CNBD1: variants seen among roughly 807,000 people sequenced by gnomAD.
The protein encoded by CNBD1 is cyclic nucleotide binding domain containing 1, also known as cyclic nucleotide-binding domain-containing protein 1.
A neutral mutation model predicts 54.4 loss-of-function variants in CNBD1; 71 were observed. That is an observed-to-expected ratio of 1.30 (90% CI 1.08 to 1.59). CNBD1 has a LOEUF of 1.59. Among genes scored for constraint, CNBD1 ranks in the 40% most tolerant of loss-of-function variants. CNBD1 has a pLI of 0.00. For missense variants in CNBD1, 659 were observed against 518.0 expected, an observed-to-expected ratio of 1.27 and a Z score of -2.64; for synonymous variants, 182 against 170.7, an observed-to-expected ratio of 1.07 and a Z score of -0.51.
At chr8:87,278,071 C>T (rs1446872500) in intron 6 of CNBD1, among the ~76,000 whole-genome samples, 2 of 151,224 alleles carry the variant, frequency 1.3e-5, no homozygotes, top group Non-Finnish European at 3.0e-5. Flanking sequence ...TAGTTATTAG[C>T]AGATTAGACA....
chr8:87,103,322 TG>T (rs2130695886), intron 4 of CNBD1, among the ~76,000 whole-genome samples: 1 of 152,330 alleles, frequency 6.6e-6, no homozygotes, highest in African/African-American at 2.4e-5. Flanking sequence ...TTTAATAAGT[TG>T]TTTTTACATC....
chr8:87,086,451 C>G (rs1407864297), intron 4 of CNBD1, among the ~76,000 whole-genome samples: 1 of 152,158 alleles, frequency 6.6e-6, no homozygotes, highest in Non-Finnish European at 1.5e-5. Context: ...CAGCTTTTTA[C>G]TTGCTAAGCC....
intron 4 of CNBD1, among the ~76,000 whole-genome samples, chr8:87,008,680 A>G (rs1302571898): frequency 6.6e-6 from 1 of 152,214 alleles, no homozygotes; most frequent in African/African-American, 2.4e-5. Context: ...CCCACAGGAA[A>G]CAAAACTGAG....
At chr8:87,351,432 T>C (rs1378673902) in intron 8 of CNBD1, among the ~76,000 whole-genome samples, 1 of 152,216 alleles carries the variant, frequency 6.6e-6, no homozygotes, top group Non-Finnish European at 1.5e-5. Context: ...TTGTACAGTA[T>C]ACTAGCATAT....
rs757980108 is a variant in CNBD1, at chr8:87,236,905, T to C, written c.578-14T>C. 2.6e-5 allele frequency: 41 copies of C among 1,574,802 alleles called. No individual in the cohort carries two copies. In the East Asian group the frequency reaches 9.2e-4, roughly 35 times the overall value. On this transcript the variant is annotated splice_polypyrimidine_tract_variant and intron_variant, in intron 5 of 10. Coordinates refer to ENST00000518476, the MANE Select transcript of CNBD1 (RefSeq NM_173538.3). ...GAGCACACAGTATATATTTTTTGGCTTTGTTTTTTTCAGTGGTTGCAAATG... is the reference window on the plus strand; with the variant it reads ...GAGCACACAGTATATATTTTTTGGCCTTGTTTTTTTCAGTGGTTGCAAATG...
At chr8:86,945,723 T>A (rs955647288) in intron 4 of CNBD1, among the ~76,000 whole-genome samples, 4 of 152,210 alleles carry the variant, frequency 2.6e-5, no homozygotes, top group Non-Finnish European at 4.4e-5. Context: ...AATTTATATT[T>A]CTGACACAAA....
At chr8:87,089,956 A>C (rs1293782335) in intron 4 of CNBD1, among the ~76,000 whole-genome samples, 1 of 152,130 alleles carries the variant, frequency 6.6e-6, no homozygotes, top group Non-Finnish European at 1.5e-5. Context: ...CAGGTTGGAC[A>C]ATATTTCTAT....
intron 2 of CNBD1, among the ~76,000 whole-genome samples, chr8:87,405,506 C>T (rs1345333319): frequency 6.6e-6 from 1 of 152,022 alleles, no homozygotes; most frequent in African/African-American, 2.4e-5. Context: ...CACATATTTA[C>T]AGCATATACT....
intron 4 of CNBD1, among the ~76,000 whole-genome samples, chr8:87,196,018 G>A (rs1363205335): frequency 6.6e-6 from 1 of 151,984 alleles, no homozygotes; most frequent in Non-Finnish European, 1.5e-5. Context: ...AATTGATTAT[G>A]TTACTTCAGA....
At chr8:87,227,010 CT>C (rs1426305183) in intron 5 of CNBD1, among the ~76,000 whole-genome samples, 5 of 150,748 alleles carry the variant, frequency 3.3e-5, no homozygotes, top group African/African-American at 1.2e-4. Context: ...TTCTTTGTCT[CT>C]TTTGATCTTT....
chr8:87,287,887 T>G (rs1164138756), intron 8 of CNBD1, among the ~76,000 whole-genome samples: 2 of 152,130 alleles, frequency 1.3e-5, no homozygotes, highest in East Asian at 3.9e-4. Flanking sequence ...TAGCATTTAA[T>G]CCATGTTTAG....
At chr8:87,039,564 T>C (rs1037763645) in intron 4 of CNBD1, among the ~76,000 whole-genome samples, 1 of 152,134 alleles carries the variant, frequency 6.6e-6, no homozygotes, top group African/African-American at 2.4e-5. Context: ...TTAAAAAAAA[T>C]GTATGTGTAG....
At chr8:86,908,381 TCA>T (rs1809049047) in intron 3 of CNBD1, among the ~76,000 whole-genome samples, 1 of 152,170 alleles carries the variant, frequency 6.6e-6, no homozygotes, top group African/African-American at 2.4e-5. Context: ...AAAAGAACAC[TCA>T]GTGTTGACCC....
chr8:87,155,936 A>G (rs966330501), intron 4 of CNBD1, among the ~76,000 whole-genome samples: 1 of 152,068 alleles, frequency 6.6e-6, no homozygotes, highest in African/African-American at 2.4e-5. Flanking sequence ...TCTCATGAAA[A>G]CTTTTTAAGG....
intron 8 of CNBD1, among the ~76,000 whole-genome samples, chr8:87,327,586 CT>C (rs1374218253): frequency 6.6e-6 from 1 of 152,136 alleles, no homozygotes; most frequent in Non-Finnish European, 1.5e-5. Context: ...TCAGTCACCC[CT>C]TTTTTGACTC....
At chr8:87,291,894 G>A (rs1410721632) in intron 8 of CNBD1, among the ~76,000 whole-genome samples, 1 of 152,006 alleles carries the variant, frequency 6.6e-6, no homozygotes, top group East Asian at 1.9e-4. Flanking sequence ...TTATTTTTTA[G>A]TACCCAACAA....
intron 4 of CNBD1, among the ~76,000 whole-genome samples, chr8:87,126,388 A>G (rs115897549): frequency 2.0e-5 from 3 of 151,976 alleles, no homozygotes; most frequent in Non-Finnish European, 4.4e-5. Flanking sequence ...GCATTTTCCT[A>G]GTGATAACTG....
intron 8 of CNBD1, among the ~76,000 whole-genome samples, chr8:87,296,314 A>C (rs1808874529): frequency 6.6e-6 from 1 of 152,128 alleles, no homozygotes; most frequent in African/African-American, 2.4e-5. Flanking sequence ...CTGCATGGAA[A>C]GTTTCTTCAC....
At chr8:87,301,162 AC>A (rs1274841501) in intron 8 of CNBD1, among the ~76,000 whole-genome samples, 1 of 152,076 alleles carries the variant, frequency 6.6e-6, no homozygotes, top group Admixed American at 6.6e-5. Context: ...AGAATTAGAT[AC>A]CCTGAACAGA....
Sources: allele counts gnomAD v4.1 joint callset (sites outside exome capture counted in the v4.1 genomes callset), GRCh38; gene constraint gnomAD v4.1.1; transcripts MANE v1.5; gene names NCBI Gene and HGNC (gene_info 2026-07-23, HGNC 2026-07-21).